The following DAGLB variants were observed in gnomAD, a reference collection of about 807,000 sequenced individuals.
DAGLB encodes diacylglycerol lipase-beta.
Under a neutral mutation model 72.1 loss-of-function variants are expected in DAGLB, and 66 were observed. The ratio of observed to expected loss-of-function variants is 0.92; its 90% confidence interval spans 0.75 to 1.12. The LOEUF (loss-of-function observed/expected upper bound fraction) is 1.12. DAGLB is among the 50% of genes most tolerant of loss of function. The pLI is 0.00. For synonymous variants in DAGLB, 414 were observed against 359.5 expected, an observed-to-expected ratio of 1.15 and a Z score of -1.71; for missense variants, 1,065 against 884.9, an observed-to-expected ratio of 1.20 and a Z score of -2.58.
rs1191996483 is a variant in DAGLB, at chr7:6,420,220, T to A, written c.1218+1507A>T. On this transcript the variant is annotated intron_variant, in intron 9 of 14. Transcript: ENST00000297056. ...AATTTGGGAGGCTGAGGTGGGTGGA[T>A]CACGAGGTCAAGAGATAGAGACCAG... Among the ~76,000 whole-genome samples the A allele has an allele frequency of 3.3e-5, 5 of 151,920 alleles. No homozygotes were observed. In the South Asian group the frequency reaches 1.0e-3, roughly 32 times the overall value.
intron 13 of DAGLB, among the ~76,000 whole-genome samples, chr7:6,411,380 G>T (rs1194606998): frequency 6.6e-6 from 1 of 152,160 alleles, no homozygotes; most frequent in African/African-American, 2.4e-5. Flanking sequence ...CCAGCACTTT[G>T]GGAGGTCAAG....
chr7:6,437,278 T>C (rs1784695926), intron 2 of DAGLB, among the ~76,000 whole-genome samples: 2 of 152,022 alleles, frequency 1.3e-5, no homozygotes, highest in African/African-American at 2.4e-5. Context: ...CTAACAGCCA[T>C]GAAAACAAGC....
chr7:6,418,679 T>A (rs1783999612), intron 9 of DAGLB, among the ~76,000 whole-genome samples: 1 of 151,894 alleles, frequency 6.6e-6, no homozygotes, highest in African/African-American at 2.4e-5. Context: ...TGTTTTTTTT[T>A]TTTGAGACAG....
intron 9 of DAGLB, among the ~76,000 whole-genome samples, chr7:6,418,005 G>T (rs1783974556): frequency 2.0e-5 from 3 of 151,888 alleles, no homozygotes; most frequent in Admixed American, 2.0e-4. Flanking sequence ...TGAGTAACTG[G>T]GATTACAGGC....
chr7:6,413,155 T>TTAGAGAAGAGAGAA, intron 11 of DAGLB, 121 bp from the exon 12 acceptor site: 2 of 1,046,842 alleles, frequency 1.9e-6, no homozygotes, highest in South Asian at 1.5e-5. Context: ...TGTTCTCTCT[T>TTAGAGAAGAGAGAA]CTCTAAAGGG....
At chr7:6,413,785 G>C (rs998897835) in intron 11 of DAGLB, among the ~76,000 whole-genome samples, 2 of 152,212 alleles carry the variant, frequency 1.3e-5, no homozygotes, top group Non-Finnish European at 2.9e-5. Context: ...TCACATAATA[G>C]TGCGTCCCGC....
At chr7:6,416,373 A>G in intron 11 of DAGLB, 1 of 350,086 alleles carries the variant, frequency 2.9e-6, no homozygotes, top group East Asian at 5.6e-5. Context: ...GTGAAACCCC[A>G]CCACTACTAA....
chr7:6,411,255 C>T (rs1240958921), intron 13 of DAGLB, among the ~76,000 whole-genome samples: 3 of 152,080 alleles, frequency 2.0e-5, no homozygotes, highest in Admixed American at 6.5e-5. Flanking sequence ...GTGATCCACC[C>T]ACCTCAGCCT....
intron 2 of DAGLB, among the ~76,000 whole-genome samples, chr7:6,437,236 C>A (rs1784694240): frequency 6.6e-6 from 1 of 151,586 alleles, no homozygotes; most frequent in African/African-American, 2.4e-5. Flanking sequence ...AGAACTGTCC[C>A]AGGCAAACAG....
chr7:6,442,284 G>A (rs988765457), intron 2 of DAGLB, among the ~76,000 whole-genome samples: 4 of 152,196 alleles, frequency 2.6e-5, no homozygotes, highest in African/African-American at 9.6e-5. Context: ...AGAACACTCC[G>A]ACAACCCACA....
At chr7:6,430,716 C>T (rs1235236733) in intron 5 of DAGLB, 109 bp from the exon 6 acceptor site, 13 of 1,235,580 alleles carry the variant, frequency 1.1e-5, no homozygotes, top group Middle Eastern at 2.5e-4. Flanking sequence ...CCTGCTCCTT[C>T]GTTGAATAGA....
rs562661517 is a variant in DAGLB at position 6,412,840 on chromosome 7, G to A, written c.1540C>T (p.Arg514Ter). 5 of 1,600,604 alleles carry A rather than the reference G, an allele frequency of 3.1e-6. No individual in the cohort carries two copies. The South Asian group carries it at 3.4e-5, about 11-fold the overall frequency. Reference protein sequence around the residue: ...NLEDLKRRILRVVAHCNKPKY... With the variant: ...NLEDLKRRIL ...GGTTTATTGCAGTGCGCGACCACTC[G>A]CAAGATTCTTCTCTTCAGATCTTCC... is the stretch of plus-strand genomic sequence containing the variant. Residue 514 changes from arginine (R) to a stop codon, truncating the protein, a stop_gained, in exon 13 of 15, where the codon CGA (arginine) becomes TGA (stop). Transcript: ENST00000297056. LOFTEE classifies it high-confidence loss of function.
chr7:6,442,342 T>C (rs1286264761), intron 2 of DAGLB, among the ~76,000 whole-genome samples: 1 of 151,926 alleles, frequency 6.6e-6, no homozygotes, highest in African/African-American at 2.4e-5. Flanking sequence ...GCAAGCATTG[T>C]ACGAGTGTCT....
chr7:6,446,992 A>G (rs934768316), intron 1 of DAGLB, among the ~76,000 whole-genome samples: 8 of 152,232 alleles, frequency 5.3e-5, no homozygotes, highest in African/African-American at 1.7e-4. Flanking sequence ...CCTGGGTAGC[A>G]GAGTGAGACC....
rs1390851246 is a variant in DAGLB at position 6,436,421 on chromosome 7, TGCCACCCAGGCA to T, written c.348_359del (p.Ala117_Ala120del). The stretch of plus-strand genomic sequence containing the variant: ...CTGTCCTGTCGCACTGAACACCATC[TGCCACCCAGGCA>T]GCCCCCAGAGAGGCCCAGACCATCT... On this transcript the variant is annotated inframe_deletion, in exon 3 of 15. Transcript: ENST00000297056. 6.2e-7 allele frequency: 1 copy of T among 1,614,086 alleles called. No individual in the cohort carries two copies. The highest frequency in any genetic ancestry group is 8.5e-7 in the Non-Finnish European group (1 of 1,180,010).
intron 13 of DAGLB, among the ~76,000 whole-genome samples, chr7:6,412,306 A>T (rs1284659872): frequency 6.6e-6 from 1 of 151,564 alleles, no homozygotes; most frequent in Non-Finnish European, 1.5e-5. Flanking sequence ...CAGTGTAGAT[A>T]AATGTGCCTG....
intron 2 of DAGLB, among the ~76,000 whole-genome samples, chr7:6,443,660 C>G (rs1784906808): frequency 6.6e-6 from 1 of 152,104 alleles, no homozygotes; most frequent in Non-Finnish European, 1.5e-5. Flanking sequence ...CTGTCAAGAT[C>G]TTGATGCCGT....
chr7:6,434,387 A>T (rs1423085169), intron 4 of DAGLB, among the ~76,000 whole-genome samples: 2 of 152,156 alleles, frequency 1.3e-5, no homozygotes, highest in Non-Finnish European at 2.9e-5. Flanking sequence ...GAAGTCACTC[A>T]CTATCTGATT....
At position 6,425,985 on chromosome 7, in the gene DAGLB, C is replaced by T; in HGVS notation, c.1056+3G>A. The T allele has an allele frequency of 6.2e-7, 1 of 1,614,082 alleles. No individual in the cohort carries two copies. Among genetic ancestry groups the T allele is most frequent in the South Asian group, 1.1e-5 (1 of 91,080 alleles). On this transcript the variant is annotated splice_donor_region_variant and intron_variant, in intron 7 of 14. Coordinates refer to ENST00000297056, the MANE Select transcript of DAGLB (RefSeq NM_139179.4). ...GAAGAGCCGCTGTCTGCAGCGTCCACACCTTGTCATGGAAGCTGACGTGGA... is the reference window on the plus strand; with the variant it reads ...GAAGAGCCGCTGTCTGCAGCGTCCATACCTTGTCATGGAAGCTGACGTGGA...
Sources: gnomAD v4.1 joint callset for allele counts (sites outside exome capture counted in the v4.1 genomes callset) on GRCh38, gnomAD v4.1.1 for gene constraint, MANE v1.5 for transcripts, NCBI Gene and HGNC (gene_info 2026-07-23, HGNC 2026-07-21) for gene names.